BTNL9: variants seen among roughly 807,000 people sequenced by gnomAD.
BTNL9 encodes the protein butyrophilin like 9.
Under a neutral mutation model 45.8 loss-of-function variants are expected in BTNL9, and 45 were observed. The observed-to-expected ratio is 0.98, with a 90% CI of 0.77 to 1.26. The LOEUF (loss-of-function observed/expected upper bound fraction) is 1.26, where lower values mean the gene tolerates loss of function less well. BTNL9 is among the 50% of genes most tolerant of loss of function. The pLI is 0.00. For missense variants in BTNL9, 784 were observed against 729.7 expected, an observed-to-expected ratio of 1.07 and a Z score of -0.86; for synonymous variants, 346 against 330.8, an observed-to-expected ratio of 1.05 and a Z score of -0.50.
intron 2 of BTNL9, 39 bp downstream of exon 2, chr5:181,045,637 C>A: frequency 2.0e-6 from 3 of 1,506,614 alleles, no homozygotes; most frequent in Non-Finnish European, 1.8e-6. Flanking sequence ...GATGTGAACG[C>A]CACCCCTCCT....
In BTNL9 at chr5:181,056,013, C is replaced by G; in HGVS notation, c.953C>G (p.Ala318Gly). 6.2e-7 allele frequency: 1 copy of G among 1,614,178 alleles called. No individual in the cohort carries two copies. Among genetic ancestry groups the G allele is most frequent in the African/African-American group, 1.3e-5 (1 of 75,054 alleles). Residue 318 changes from alanine (A) to glycine (G), a missense_variant and splice_region_variant, in exon 9 of 11, where the codon GCT (alanine) becomes GGT (glycine). Transcript: ENST00000327705. Reference protein sequence around the residue: ...ELDWRRAEGQAEWRAAQKYAV... With the variant: ...ELDWRRAEGQGEWRAAQKYAV... The stretch of plus-strand genomic sequence containing the variant: ...GACTGGAGACGGGCTGAAGGCCAGG[C>G]TGGTGAGTGGAACCCATCTCTCTCT...
chr5:181,043,080 A>T, intron 1 of BTNL9, among the ~76,000 whole-genome samples: 1 of 152,178 alleles, frequency 6.6e-6, no homozygotes, highest in South Asian at 2.1e-4. Context: ...TATAATTTGG[A>T]CCTATTAGTA....
rs1762103698 is a variant in BTNL9, at chr5:181,060,442, G to A, written c.*580G>A. The A allele has an allele frequency of 6.6e-6, 1 of 152,314 alleles. No homozygotes were observed. The highest frequency in any genetic ancestry group is 1.9e-4 in the East Asian group (1 of 5,182). 9.4% of individuals were successfully genotyped at this position (152,314 alleles called of 1,614,324 possible). A position where few individuals can be genotyped will look rare whatever the true frequency, so the allele number is the denominator to read the frequency against. The stretch of plus-strand genomic sequence containing the variant: ...GTAAAATAAAGGCTCAAAACGTGAC[G>A]GCAACCCGGCAAAAGGGTAGGGAGC... On this transcript the variant is annotated 3_prime_UTR_variant, in exon 11 of 11. Transcript: ENST00000327705.
intron 6 of BTNL9, 154 bp from the exon 7 acceptor site, chr5:181,054,085 A>T (rs1006756563): frequency 2.6e-6 from 4 of 1,549,770 alleles, no homozygotes; most frequent in Non-Finnish European, 3.5e-6. Flanking sequence ...CTGGAGCCTC[A>T]CTTCCAGCCC....
chr5:181,041,025 C>T (rs4616856), intron 1 of BTNL9, among the ~76,000 whole-genome samples: 74,789 of 152,128 alleles, frequency 0.49, 18,680 homozygotes, highest in African/African-American at 0.55. Flanking sequence ...CCACAGTCTC[C>T]GCAGACATAT....
Position 181,053,211 on chromosome 5 carries a change from C to G in BTNL9, c.748C>G (p.Pro250Ala), listed in dbSNP as rs1217008285. ...LVVQIADVFV[P>A]GASAWKSAFV... is the part of the protein sequence containing the mutation. ...CGGGTGTTTTCCAGACGTGTTCGTA[C>G]CCGGAGCCTCTGCGTGGAAGAGCGC... The change falls in exon 5 of 11, where the codon CCC becomes GCC. Residue 250 changes from proline to alanine, a missense_variant. By Grantham distance (27) the Pro-to-Ala change is conservative (BLOSUM62 -1). Transcript: ENST00000327705. This position sits in a 1 kb window ranked among gnomAD's most constrained non-coding sequence, Gnocchi z 6.5. The G allele has an allele frequency of 1.3e-6, 2 of 1,581,798 alleles. No homozygotes were observed. Among genetic ancestry groups the G allele is most frequent in the Non-Finnish European group, 1.7e-6 (2 of 1,165,248 alleles).
At chr5:181,045,816 C>A (rs1038281912) in intron 2 of BTNL9, among the ~76,000 whole-genome samples, 4 of 133,598 alleles carry the variant, frequency 3.0e-5, no homozygotes, top group Non-Finnish European at 1.6e-5. Flanking sequence ...CCTCCTCCAC[C>A]ATCTCTCCAG....
In BTNL9 at chr5:181,059,562, C is replaced by G. The variant is rs371740103; in HGVS notation, c.1308C>G (p.His436Gln). The G allele has an allele frequency of 3.7e-5, 59 of 1,611,508 alleles. No individual in the cohort carries two copies. Among genetic ancestry groups the G allele is most frequent in the Non-Finnish European group, 5.0e-5 (59 of 1,179,488 alleles). The change falls in exon 11 of 11, where the codon CAC becomes CAG. Residue 436 changes from histidine (H) to glutamine (Q), a missense_variant. Transcript: ENST00000327705. ...NGCEYFVLAP[H>Q]RVALTLRVPP... Reference sequence around the variant, plus strand: ...GCGAGTACTTCGTCCTGGCCCCGCACCGCGTCGCGCTCACCCTGCGCGTGC... The same window carrying G: ...GCGAGTACTTCGTCCTGGCCCCGCAGCGCGTCGCGCTCACCCTGCGCGTGC...
At chr5:181,045,737 A>C in intron 2 of BTNL9, 139 bp downstream of exon 2, 1 of 676,744 alleles carries the variant, frequency 1.5e-6, no homozygotes, top group Non-Finnish European at 2.6e-6. Flanking sequence ...CTGGTTGTTA[A>C]AGAGCCACTA....
chr5:181,057,037 TG>T (rs1761919996), intron 9 of BTNL9: 1 of 157,668 alleles, frequency 6.3e-6, no homozygotes, highest in Admixed American at 6.5e-5. Context: ...TGTGTGTGTG[TG>T]TGTGTGAGAT....
At chr5:181,049,245 A>C (rs1390802122) in intron 3 of BTNL9, among the ~76,000 whole-genome samples, 1 of 152,150 alleles carries the variant, frequency 6.6e-6, no homozygotes, top group Non-Finnish European at 1.5e-5. Flanking sequence ...TCCAATATGA[A>C]AAAAGCATAT....
At chr5:181,048,407 C>T (rs1299119576) in intron 3 of BTNL9, 136 bp downstream of exon 3, 1 of 795,308 alleles carries the variant, frequency 1.3e-6, no homozygotes, top group Non-Finnish European at 1.9e-6. Flanking sequence ...GGTCCATTCT[C>T]AAATGAACAA....
At chr5:181,048,627 A>G (rs1413242600) in intron 3 of BTNL9, among the ~76,000 whole-genome samples, 4 of 150,512 alleles carry the variant, frequency 2.7e-5, no homozygotes, top group Non-Finnish European at 5.9e-5. Flanking sequence ...AGTCCCAGCT[A>G]CTCAGGGGGG....
chr5:181,058,157 C>T (rs938055745), intron 9 of BTNL9, among the ~76,000 whole-genome samples, 195 bp from the exon 10 acceptor site: 2 of 152,182 alleles, frequency 1.3e-5, no homozygotes, highest in African/African-American at 2.4e-5. Context: ...TGACACAGGC[C>T]TCTACTCAAT....
At position 181,059,553 on chromosome 5, in the gene BTNL9, G is replaced by A. The variant is rs369136500; in HGVS notation, c.1299G>A (p.Leu433=). ...GLWNGCEYFV[L]APHRVALTLR... The stretch of plus-strand genomic sequence containing the variant: ...GGAACGGCTGCGAGTACTTCGTCCT[G>A]GCCCCGCACCGCGTCGCGCTCACCC... The change falls in exon 11 of 11, where the codon CTG becomes CTA. Residue 433 remains leucine (L), a synonymous_variant. Transcript: ENST00000327705. 7.5e-6 allele frequency: 12 copies of A among 1,610,422 alleles called. No individual in the cohort carries two copies. The highest frequency in any genetic ancestry group is 1.0e-5 in the Non-Finnish European group (12 of 1,179,354).
chr5:181,055,890 T>G lies in BTNL9; in HGVS notation c.929-99T>G, dbSNP rs560222830. Reference sequence around the variant, plus strand: ...GGACCCCTGCTGGCTATGTGGGTGGTGGGGGGTGCGGGACAGGGTGGGTGC... The same window carrying G: ...GGACCCCTGCTGGCTATGTGGGTGGGGGGGGGTGCGGGACAGGGTGGGTGC... On this transcript the variant is annotated intron_variant, in intron 8 of 10. Transcript: ENST00000327705. The surrounding 1 kb of genome is among the most constrained non-coding windows in gnomAD (Gnocchi z 4.4). 4 of 1,396,090 alleles carry G rather than the reference T, an allele frequency of 2.9e-6. No individual in the cohort carries two copies. In the African/African-American group the frequency reaches 5.7e-5, roughly 20 times the overall value. 86.5% of individuals were successfully genotyped at this position (1,396,090 alleles called of 1,614,324 possible). A position where few individuals can be genotyped will look rare whatever the true frequency, so the allele number is the denominator to read the frequency against.
chr5:181,049,479 T>A (rs76034408), intron 3 of BTNL9, among the ~76,000 whole-genome samples: 2,024 of 152,270 alleles, frequency 0.013, 50 homozygotes, highest in African/African-American at 0.046. Context: ...ATACACTTGC[T>A]TTGTAAGAAA....
chr5:181,055,505 C>T lies in BTNL9; in HGVS notation c.928+52C>T, dbSNP rs376363189. The T allele has an allele frequency of 7.8e-4, 1,258 of 1,603,114 alleles. 4 individuals are homozygous for T. Among genetic ancestry groups the T allele is most frequent in the Non-Finnish European group, 7.3e-4 (853 of 1,170,442 alleles). The stretch of plus-strand genomic sequence containing the variant: ...CTCCTCAGGGCCGGGTCCAGTGGCT[C>T]ACACCTGTAATCCCAGTACTTTGGG... On this transcript the variant is annotated intron_variant, in intron 8 of 10. Coordinates refer to ENST00000327705, the MANE Select transcript of BTNL9 (RefSeq NM_152547.5). This position sits in a 1 kb window ranked among gnomAD's most constrained non-coding sequence, Gnocchi z 4.4.
intron 2 of BTNL9, 69 bp downstream of exon 2, chr5:181,045,667 T>G (rs1423789891): frequency 7.9e-7 from 1 of 1,269,506 alleles, no homozygotes; most frequent in Non-Finnish European, 1.1e-6. Context: ...TCCCCAGGGC[T>G]ACGATCTTAG....
Sources: gnomAD v4.1 joint callset for allele counts (sites outside exome capture counted in the v4.1 genomes callset) on GRCh38, gnomAD v4.1.1 for gene constraint, Gnocchi (gnomAD v3.1) non-coding constraint, MANE v1.5 for transcripts, NCBI Gene and HGNC (gene_info 2026-07-23, HGNC 2026-07-21) for gene names.